Variants in PPARGC1B observed in about 807,000 individuals in gnomAD.
PPARGC1B encodes PPARG coactivator 1 beta, also known as peroxisome proliferator-activated receptor gamma coactivator 1-beta.
A neutral mutation model predicts 101.6 loss-of-function variants in PPARGC1B; 34 were observed. The ratio of observed to expected loss-of-function variants is 0.33; its 90% CI spans 0.25 to 0.45. PPARGC1B has a LOEUF of 0.45. Among genes scored for constraint, PPARGC1B ranks in the 20% least tolerant of loss-of-function variants. PPARGC1B has a pLI of 1.00. For synonymous variants in PPARGC1B, 548 were observed against 539.3 expected (o/e 1.02, Z -0.22); for missense variants, 1,234 against 1,317.6 (o/e 0.94, Z 0.98).
At chr5:149,857,094 T>C (rs1462512352), downstream of PPARGC1B, among the ~76,000 whole-genome samples, 1 of 152,110 alleles carries the variant, frequency 6.6e-6, no homozygotes, top group Non-Finnish European at 1.5e-5. Flanking sequence ...GCTTTGAAAC[T>C]TGGCTCTACC....
At chr5:149,819,494 GT>G (rs200679684) in intron 1 of PPARGC1B, among the ~76,000 whole-genome samples, 20 of 147,064 alleles carry the variant, frequency 1.4e-4, no homozygotes, top group Non-Finnish European at 2.2e-4. Context: ...GTTTGTTTTT[GT>G]TTTTTTTTGT....
chr5:149,795,742 C>A (rs1174382556), intron 1 of PPARGC1B, among the ~76,000 whole-genome samples: 1 of 152,154 alleles, frequency 6.6e-6, no homozygotes, highest in Non-Finnish European at 1.5e-5. Flanking sequence ...CAGTTTTTTG[C>A]AGAACCATCC....
intron 1 of PPARGC1B, among the ~76,000 whole-genome samples, chr5:149,818,617 C>T (rs1399190483): frequency 1.3e-5 from 2 of 152,136 alleles, no homozygotes; most frequent in Admixed American, 6.5e-5. Context: ...ATTTATGAGG[C>T]CTAGTAAGTG....
chr5:149,846,030 CCCCAG>C, intron 11 of PPARGC1B, 116 bp downstream of exon 11: 1 of 1,205,696 alleles, frequency 8.3e-7, no homozygotes, highest in Non-Finnish European at 1.2e-6. Context: ...CATCCCCACA[CCCCAG>C]TGTGCTGCTT....
Position 149,772,144 on chromosome 5 carries a change from G to A in PPARGC1B, c.78+41724G>A, listed in dbSNP as rs73796250. On this transcript the variant is annotated intron_variant, in intron 1 of 11. Coordinates refer to ENST00000309241, the MANE Select transcript of PPARGC1B (RefSeq NM_133263.4). Reference sequence around the variant, plus strand: ...GGAGCCGCCACCAGAGCAATGGTAGGTGTTGGGCCAGAGGTTGTTTAGGTG... The same window carrying A: ...GGAGCCGCCACCAGAGCAATGGTAGATGTTGGGCCAGAGGTTGTTTAGGTG... The A allele has an allele frequency of 0.083, 132,895 of 1,605,292 alleles. 6,197 individuals are homozygous for A. Among genetic ancestry groups the A allele is most frequent in the South Asian group, 0.15 (13,664 of 88,952 alleles).
intron 1 of PPARGC1B, among the ~76,000 whole-genome samples, chr5:149,753,105 A>G (rs919288273): frequency 6.6e-6 from 1 of 152,086 alleles, no homozygotes; most frequent in African/African-American, 2.4e-5. Context: ...TCTACTTAGT[A>G]TTTCTTAAAG....
chr5:149,744,631 A>T (rs532819938), intron 1 of PPARGC1B, among the ~76,000 whole-genome samples: 1 of 152,240 alleles, frequency 6.6e-6, no homozygotes, highest in South Asian at 2.1e-4. Flanking sequence ...TGGCATTCCA[A>T]GTTATTTATA....
At chr5:149,750,499 G>A (rs1048588369) in intron 1 of PPARGC1B, among the ~76,000 whole-genome samples, 3 of 117,596 alleles carry the variant, frequency 2.6e-5, no homozygotes, top group Non-Finnish European at 5.5e-5. Context: ...TGTTAATAGG[G>A]GAAGGAAGGT....
At chr5:149,830,052 A>C (rs1343331718) in intron 3 of PPARGC1B, among the ~76,000 whole-genome samples, 12 of 107,754 alleles carry the variant, frequency 1.1e-4, no homozygotes, top group Admixed American at 7.7e-4. Flanking sequence ...AAAAAAAAAA[A>C]AAGAAAAAAA....
In PPARGC1B at chr5:149,836,924, G is replaced by A. The variant is rs1252737085; in HGVS notation, c.2469G>A (p.Glu823=). 3.7e-6 allele frequency: 6 copies of A among 1,613,862 alleles called. No homozygotes were observed. The highest frequency in any genetic ancestry group is 1.3e-5 in the African/African-American group (1 of 75,042). Residue 823 remains glutamate (E), a synonymous_variant, in exon 8 of 12, where the codon GAG becomes GAA. Coordinates refer to ENST00000309241, the MANE Select transcript of PPARGC1B (RefSeq NM_133263.4). ...GEEEEEDDEE[E]DSGVSPTCSD... ...AGGAGGAGGAGGACGATGAAGAAGA[G>A]GACTCAGGGGTCAGCCCCACTTGCT...
chr5:149,799,690 G>GTTTTTTTTTTTTTTT lies in PPARGC1B; in HGVS notation c.79-20741_79-20740insTTTTTTTTTTTTTTT, dbSNP rs369350284. Among the ~76,000 whole-genome samples the GTTTTTTTTTTTTTTT allele has an allele frequency of 1.6e-3, 102 of 65,038 alleles. 6 individuals carry two copies. Among genetic ancestry groups the GTTTTTTTTTTTTTTT allele is most frequent in the Non-Finnish European group, 1.9e-3 (64 of 32,944 alleles). 42.7% of individuals were successfully genotyped at this position (65,038 alleles called of 152,430 possible). A position where few individuals can be genotyped will look rare whatever the true frequency, so the allele number is the denominator to read the frequency against. On this transcript the variant is annotated intron_variant, in intron 1 of 11. Transcript: ENST00000309241. ...TTTTTTGTTTGTTTGTTTGCTTGTT[G>GTTTTTTTTTTTTTTT]TTGTTTTTTTTTTTTTTTTTTTTTG...
intron 1 of PPARGC1B, among the ~76,000 whole-genome samples, chr5:149,767,172 C>T (rs1397100891): frequency 6.6e-6 from 1 of 152,094 alleles, no homozygotes; most frequent in East Asian, 1.9e-4. Flanking sequence ...GCTGGCTTTG[C>T]TGGGAGAGGA....
At chr5:149,791,832 T>G (rs1303094912) in intron 1 of PPARGC1B, among the ~76,000 whole-genome samples, 1 of 152,238 alleles carries the variant, frequency 6.6e-6, no homozygotes, top group African/African-American at 2.4e-5. Context: ...ATGAGGGCAG[T>G]ATCTCAGTGC....
chr5:149,824,899 G>A (rs535349377), intron 2 of PPARGC1B, among the ~76,000 whole-genome samples: 70 of 152,278 alleles, frequency 4.6e-4, no homozygotes, highest in South Asian at 1.9e-3. Flanking sequence ...TTCTCTCCCC[G>A]TGTTCCCCCT....
rs1414970956 is a variant in PPARGC1B, at chr5:149,832,212, G to A, written c.583-444G>A. On this transcript the variant is annotated intron_variant, in intron 4 of 11. Coordinates refer to ENST00000309241, the MANE Select transcript of PPARGC1B (RefSeq NM_133263.4). This position sits in a 1 kb window ranked among gnomAD's most constrained non-coding sequence, Gnocchi z 4.9. ...TAATCCCAACTACTCGGGAGGCTGAGGCAGGAGAATCGCTTGAACCTGGGA... is the reference window on the plus strand; with the variant it reads ...TAATCCCAACTACTCGGGAGGCTGAAGCAGGAGAATCGCTTGAACCTGGGA... 6.6e-6 allele frequency among the ~76,000 whole-genome samples: 1 copy of A among 152,188 alleles called. No homozygotes were observed. The highest frequency in any genetic ancestry group is 2.1e-4 in the South Asian group (1 of 4,832).
At chr5:149,775,264 T>A (rs1756313674) in intron 1 of PPARGC1B, among the ~76,000 whole-genome samples, 1 of 152,080 alleles carries the variant, frequency 6.6e-6, no homozygotes, top group Non-Finnish European at 1.5e-5. Context: ...CAGGGCATAG[T>A]GGTAATAGGA....
chr5:149,854,324 G>T lies in PPARGC1B; in HGVS notation c.*6766G>T, dbSNP rs1480127748. ...TGCGTGAGTGTAAGGCTGTGTTTGT[G>T]GTGGGGGTGTGTGTGTGTGTATCTG... On this transcript the variant is annotated 3_prime_UTR_variant, in exon 12 of 12. Coordinates refer to ENST00000309241, the MANE Select transcript of PPARGC1B (RefSeq NM_133263.4). 2 of 151,868 alleles carry T rather than the reference G, an allele frequency of 1.3e-5. No individual in the cohort carries two copies. Among genetic ancestry groups the T allele is most frequent in the Non-Finnish European group, 2.9e-5 (2 of 68,000 alleles). The allele number at this position is 151,868 out of a possible 1,614,324, so 9.4% of individuals were successfully genotyped here. A position where few individuals can be genotyped will look rare whatever the true frequency, so the allele number is the denominator to read the frequency against.
At chr5:149,769,126 A>G (rs919529965) in intron 1 of PPARGC1B, among the ~76,000 whole-genome samples, 16 of 152,224 alleles carry the variant, frequency 1.1e-4, no homozygotes, top group Non-Finnish European at 1.6e-4. Flanking sequence ...GGAGTGAACA[A>G]TCTAGATCTC....
intron 1 of PPARGC1B, among the ~76,000 whole-genome samples, chr5:149,762,252 G>A (rs1434067635): frequency 1.3e-5 from 2 of 151,224 alleles, no homozygotes; most frequent in East Asian, 1.9e-4. Flanking sequence ...AGGCTTAAGC[G>A]CTCCTCCTGC....
Sources: allele counts gnomAD v4.1 joint callset (sites outside exome capture counted in the v4.1 genomes callset), GRCh38; gene constraint gnomAD v4.1.1; non-coding constraint Gnocchi (gnomAD v3.1); transcripts MANE v1.5; gene names NCBI Gene and HGNC (gene_info 2026-07-23, HGNC 2026-07-21).